Variants in UBA6 observed in about 807,000 individuals in gnomAD.
The protein encoded by UBA6 is ubiquitin like modifier activating enzyme 6.
Under a neutral mutation model 148.3 loss-of-function variants are expected in UBA6, and 87 were observed. The observed-to-expected ratio is 0.59, with a 90% confidence interval of 0.49 to 0.70. The LOEUF (loss-of-function observed/expected upper bound fraction) is 0.70. UBA6 is among the 30% of genes least tolerant of loss of function. The pLI, the probability that UBA6 is intolerant of heterozygous loss-of-function variation, is 0.00. For missense variants in UBA6, 1,186 were observed against 1,241.2 expected (o/e 0.96, Z 0.67); for synonymous variants, 376 against 401.0 (o/e 0.94, Z 0.75).
intron 17 of UBA6, among the ~76,000 whole-genome samples, chr4:67,642,829 T>C (rs1729338612): frequency 6.6e-6 from 1 of 152,068 alleles, no homozygotes; most frequent in Non-Finnish European, 1.5e-5. Flanking sequence ...TATTGCTTCT[T>C]CTCCCTTATC....
At chr4:67,685,329 A>G (rs1730531682) in intron 2 of UBA6, among the ~76,000 whole-genome samples, 1 of 152,242 alleles carries the variant, frequency 6.6e-6, no homozygotes, top group South Asian at 2.1e-4. Flanking sequence ...TCTTGCTTAA[A>G]AAACCCCAGT....
chr4:67,623,332 T>G (rs998837990), intron 30 of UBA6, 110 bp from the exon 31 acceptor site: 1 of 696,878 alleles, frequency 1.4e-6, no homozygotes, highest in African/African-American at 1.8e-5. Flanking sequence ...GTGATCAGGC[T>G]AGAAATTAAT....
rs1279381207 is a variant in UBA6, at chr4:67,625,311, CAT to C, written c.2519-126_2519-125del. ...TTTATATTTTTTAATGACTGAGAAA[CAT>C]AAGAAAAATTCAGGCAACTAATGTT... is the stretch of plus-strand genomic sequence containing the variant. On this transcript the variant is annotated intron_variant, in intron 28 of 32. Transcript: ENST00000322244. 4 of 739,158 alleles carry C rather than the reference CAT, an allele frequency of 5.4e-6. No individual in the cohort carries two copies. The Admixed American group carries it at 1.3e-4, about 25-fold the overall frequency. The allele number at this position is 739,158 out of a possible 1,614,324, so 45.8% of individuals were successfully genotyped here. A position where few individuals can be genotyped will look rare whatever the true frequency, so the allele number is the denominator to read the frequency against.
intron 7 of UBA6, among the ~76,000 whole-genome samples, chr4:67,673,437 A>C (rs1730199300): frequency 6.6e-6 from 1 of 151,690 alleles, no homozygotes; most frequent in Admixed American, 6.6e-5. Flanking sequence ...AAAAAAAAAA[A>C]AATTAGATGA....
chr4:67,659,468 ACT>A (rs1349228445), intron 13 of UBA6, among the ~76,000 whole-genome samples: 2 of 151,144 alleles, frequency 1.3e-5, no homozygotes, highest in Non-Finnish European at 2.9e-5. Flanking sequence ...GCTTGCACTC[ACT>A]CTGTCTTGCC....
chr4:67,631,613 G>A, intron 25 of UBA6, 95 bp downstream of exon 25: 1 of 919,004 alleles, frequency 1.1e-6, no homozygotes, highest in Non-Finnish European at 1.6e-6. Flanking sequence ...TAACATTAAA[G>A]AGCCTAAGGT....
At position 67,673,537 on chromosome 4, in the gene UBA6, T is replaced by A. The variant is rs908157075; in HGVS notation, c.546+160A>T. 2.6e-5 allele frequency among the ~76,000 whole-genome samples: 4 copies of A among 152,140 alleles called. No homozygotes were observed. The South Asian group carries it at 8.3e-4, about 31-fold the overall frequency. On this transcript the variant is annotated intron_variant, in intron 7 of 32. Transcript: ENST00000322244. Reference sequence around the variant, plus strand: ...TCTATAAACCAAACTTAGATCCTAGTTTTAAAAACAGGAAATGAATATATC... The same window carrying A: ...TCTATAAACCAAACTTAGATCCTAGATTTAAAAACAGGAAATGAATATATC...
rs772263440 is a variant in UBA6, at chr4:67,635,563, T to A, written c.1737-5A>T. 3.8e-6 allele frequency: 6 copies of A among 1,593,020 alleles called. No individual in the cohort carries two copies. The Admixed American group carries it at 8.4e-5, about 22-fold the overall frequency. On this transcript the variant is annotated splice_region_variant and splice_polypyrimidine_tract_variant and intron_variant, in intron 19 of 32. Coordinates refer to ENST00000322244, the MANE Select transcript of UBA6 (RefSeq NM_018227.6). ...CTTAGATTTGCTAAGCAACGACTATTTGAAAAGACAGCAAGTAAAAAACAA... is the reference window on the plus strand; with the variant it reads ...CTTAGATTTGCTAAGCAACGACTATATGAAAAGACAGCAAGTAAAAAACAA...
intron 5 of UBA6, 48 bp downstream of exon 5, chr4:67,678,387 TTAAG>T: frequency 8.7e-7 from 1 of 1,153,828 alleles, no homozygotes; most frequent in African/African-American, 1.6e-5. Flanking sequence ...AGGAAATATT[TTAAG>T]TAAATAAATT....
At chr4:67,667,207 G>A (rs1249601312) in intron 9 of UBA6, among the ~76,000 whole-genome samples, 1 of 91,362 alleles carries the variant, frequency 1.1e-5, no homozygotes, top group Non-Finnish European at 2.6e-5. Flanking sequence ...ATAAAAAACA[G>A]ATATATTATT....
intron 17 of UBA6, among the ~76,000 whole-genome samples, chr4:67,642,799 T>C (rs1343872972): frequency 1.3e-5 from 2 of 152,050 alleles, no homozygotes; most frequent in Admixed American, 6.6e-5. Flanking sequence ...CTGGGAACTT[T>C]TGTCATTATC....
At chr4:67,627,447 G>A (rs17570691) in intron 27 of UBA6, among the ~76,000 whole-genome samples, 58,449 of 151,496 alleles carry the variant, frequency 0.39, 11,399 homozygotes, top group Middle Eastern at 0.51. Context: ...ATTACCCTCA[G>A]ACTTTAACAC....
chr4:67,670,449 A>T, intron 8 of UBA6, 21 bp downstream of exon 8: 1 of 1,543,452 alleles, frequency 6.5e-7, no homozygotes, highest in Non-Finnish European at 8.9e-7. Context: ...TTATTTTAAA[A>T]GTTCATTAAT....
rs1214620641 is a variant in UBA6 at position 67,639,095 on chromosome 4, A to T, written c.1584T>A (p.Ala528=). The T allele has an allele frequency of 1.2e-6, 2 of 1,613,214 alleles. No individual in the cohort carries two copies. The highest frequency in any genetic ancestry group is 2.2e-5 in the South Asian group (2 of 91,038). The change falls in exon 19 of 33, where the codon GCT becomes GCA. Residue 528 remains alanine, a synonymous_variant. Transcript: ENST00000322244. ...QKPKSYTAAD[A]TLKINSQIKI... ...TTATTTGAGAATTTATTTTCAGAGT[A>T]GCATCAGCAGCAGTGTAGCTTTTAG...
chr4:67,631,869 A>G lies in UBA6; in HGVS notation c.2182T>C (p.Leu728=), dbSNP rs1293488286. ...CATTTATACTTACTGCCATCTTTTAATCGTATGTCCAGAGGGAAACAGTGA... is the reference window on the plus strand; with the variant it reads ...CATTTATACTTACTGCCATCTTTTAGTCGTATGTCCAGAGGGAAACAGTGA... The part of the protein sequence containing the change: ...LLHCFPLDIR[L]KDGSLFWQSP... Residue 728 remains leucine (L), a synonymous_variant, in exon 24 of 33, where the codon TTA becomes CTA. Coordinates refer to ENST00000322244, the MANE Select transcript of UBA6 (RefSeq NM_018227.6). 1.2e-6 allele frequency: 2 copies of G among 1,612,420 alleles called. No homozygotes were observed. The highest frequency in any genetic ancestry group is 1.3e-5 in the African/African-American group (1 of 74,886).
rs191310120 is a variant in UBA6, at chr4:67,679,295, C to T, written c.259-762G>A. 2.9e-4 allele frequency among the ~76,000 whole-genome samples: 44 copies of T among 151,980 alleles called. No homozygotes were observed. The East Asian group carries it at 8.1e-3, about 28-fold the overall frequency. On this transcript the variant is annotated intron_variant, in intron 4 of 32. Transcript: ENST00000322244. ...AAACCAAATATAAAAAGACAGTAAC[C>T]TAATAAGTGAAGGAGGAAACAAGGT... is the stretch of plus-strand genomic sequence containing the variant.
At chr4:67,655,845 G>A (rs1729676133) in intron 13 of UBA6, among the ~76,000 whole-genome samples, 2 of 152,124 alleles carry the variant, frequency 1.3e-5, no homozygotes. Flanking sequence ...AGTAAAAAAT[G>A]ATAAAGGGGA....
intron 9 of UBA6, among the ~76,000 whole-genome samples, chr4:67,667,826 G>A (rs1560494267): frequency 6.6e-6 from 1 of 151,974 alleles, no homozygotes; most frequent in East Asian, 1.9e-4. Flanking sequence ...TTTCCTTTTG[G>A]CAATGACTTC....
chr4:67,620,700 T>G (rs1728731877), intron 32 of UBA6, among the ~76,000 whole-genome samples: 1 of 152,306 alleles, frequency 6.6e-6, no homozygotes, highest in Non-Finnish European at 1.5e-5. Flanking sequence ...CCATGTATGA[T>G]AACAAAATAT....
Sources: gnomAD v4.1 joint callset for allele counts (sites outside exome capture counted in the v4.1 genomes callset) on GRCh38, gnomAD v4.1.1 for gene constraint, MANE v1.5 for transcripts, NCBI Gene and HGNC (gene_info 2026-07-23, HGNC 2026-07-21) for gene names.